Variants in METTL9 observed in about 807,000 individuals in gnomAD.
METTL9 encodes the protein protein-L-histidine N-pros-methyltransferase.
In METTL9, 10 loss-of-function variants were observed where a neutral mutation model predicts 36.0. The ratio of observed to expected loss-of-function variants is 0.28; its 90% confidence interval spans 0.17 to 0.47. METTL9 has a LOEUF of 0.47. METTL9 is among the 20% of genes least tolerant of loss of function. The pLI is 0.99. For synonymous variants in METTL9, 175 were observed against 149.7 expected (o/e 1.17, Z -1.23); for missense variants, 246 against 383.5 (o/e 0.64, Z 3.00).
At chr16:21,604,280 C>G (rs1041713094) in intron 1 of METTL9, among the ~76,000 whole-genome samples, 7 of 152,186 alleles carry the variant, frequency 4.6e-5, no homozygotes, top group African/African-American at 1.4e-4. Flanking sequence ...TCACAGAACA[C>G]TAGAATCTCT....
At chr16:21,645,936 C>T (rs887401391) in intron 4 of METTL9, among the ~76,000 whole-genome samples, 6 of 152,120 alleles carry the variant, frequency 3.9e-5, no homozygotes, top group African/African-American at 9.7e-5. Context: ...CCATTAGAAC[C>T]CTCGTAGTTT....
chr16:21,648,190 G>T (rs1261461605), intron 4 of METTL9, among the ~76,000 whole-genome samples: 1 of 152,172 alleles, frequency 6.6e-6, no homozygotes, highest in East Asian at 1.9e-4. Context: ...CCTGGCGTGT[G>T]TGCTGCTTTG....
At chr16:21,620,151 T>C (rs1453288956) in intron 3 of METTL9, among the ~76,000 whole-genome samples, 1 of 152,168 alleles carries the variant, frequency 6.6e-6, no homozygotes, top group Admixed American at 6.6e-5. Context: ...AGATCGACCT[T>C]CCTAGCTTGA....
rs778533773 is a variant in METTL9 at position 21,655,429 on chromosome 16, A to G, written c.954A>G (p.Val318=). Residue 318 remains valine (V), a synonymous_variant, in exon 5 of 5, where the codon GTA becomes GTG. Coordinates refer to ENST00000358154, the MANE Select transcript of METTL9 (RefSeq NM_016025.5). ...LDDAVFVLKP[V] ...ACGCTGTCTTTGTTCTCAAACCAGT[A>G]TAAACACGTGGAGGTCGAAGTCTTC... is the stretch of plus-strand genomic sequence containing the variant. 6.2e-7 allele frequency: 1 copy of G among 1,613,494 alleles called. No homozygotes were observed.
rs533804839 is a variant in METTL9, at chr16:21,609,562, T to C, written c.166-3083T>C. Among the ~76,000 whole-genome samples, 11 of 152,188 alleles carry C rather than the reference T, an allele frequency of 7.2e-5. No individual in the cohort carries two copies. In the South Asian group the frequency reaches 2.3e-3, roughly 32 times the overall value. On this transcript the variant is annotated intron_variant, in intron 1 of 4. Transcript: ENST00000358154. ...TACCTAGGAAATATTTAGGCTGAAG[T>C]TGAACGAACCAGGTGAAGAGAGAGT...
At chr16:21,652,629 G>A in intron 4 of METTL9, 2 of 1,567,920 alleles carry the variant, frequency 1.3e-6, no homozygotes, top group Non-Finnish European at 1.7e-6. Context: ...GTTGGGGTGT[G>A]TATTTGAAAG....
chr16:21,599,652 G>T lies in METTL9; in HGVS notation c.-82G>T. On this transcript the variant is annotated 5_prime_UTR_variant, in exon 1 of 5. Coordinates refer to ENST00000358154, the MANE Select transcript of METTL9 (RefSeq NM_016025.5). This position sits in a 1 kb window ranked among gnomAD's most constrained non-coding sequence, Gnocchi z 4.4. ...CGCGATGGCTCGAGCTCGGGCGGTG[G>T]CGGCGGTGGCCGGAGGCGGCGGTGC... 7.4e-7 allele frequency: 1 copy of T among 1,348,620 alleles called. No individual in the cohort carries two copies. The highest frequency in any genetic ancestry group is 9.4e-7 in the Non-Finnish European group (1 of 1,059,658). 83.5% of individuals were successfully genotyped at this position (1,348,620 alleles called of 1,614,324 possible).
At chr16:21,605,116 C>T (rs1965238024) in intron 1 of METTL9, among the ~76,000 whole-genome samples, 1 of 151,998 alleles carries the variant, frequency 6.6e-6, no homozygotes, top group Admixed American at 6.6e-5. Flanking sequence ...GAGACTTGCT[C>T]ACCAGCACAG....
chr16:21,606,398 A>G (rs1218661066), intron 1 of METTL9, among the ~76,000 whole-genome samples: 4 of 152,042 alleles, frequency 2.6e-5, no homozygotes, highest in Non-Finnish European at 4.4e-5. Flanking sequence ...AAAGGATACA[A>G]TTGGGGAACG....
In METTL9 at chr16:21,599,613, A is replaced by T; in HGVS notation, c.-121A>T. 1.5e-6 allele frequency: 2 copies of T among 1,329,260 alleles called. No individual in the cohort carries two copies. The highest frequency in any genetic ancestry group is 2.0e-5 in the South Asian group (1 of 50,938). The allele number at this position is 1,329,260 out of a possible 1,614,324, so 82.3% of individuals were successfully genotyped here. A position where few individuals can be genotyped will look rare whatever the true frequency, so the allele number is the denominator to read the frequency against. The stretch of plus-strand genomic sequence containing the variant: ...CAGCCTTTGCCCTGAAGGGGGCTGG[A>T]TGGGCAAGGCGGCCGCGATGGCTCG... On this transcript the variant is annotated 5_prime_UTR_variant, in exon 1 of 5. An upstream start codon of the reference 5' UTR is lost. Coordinates refer to ENST00000358154, the MANE Select transcript of METTL9 (RefSeq NM_016025.5). The surrounding 1 kb of genome is among the most constrained non-coding windows in gnomAD (Gnocchi z 4.4).
intron 4 of METTL9, among the ~76,000 whole-genome samples, chr16:21,631,617 T>A (rs182663248): frequency 6.6e-6 from 1 of 152,360 alleles, no homozygotes; most frequent in African/African-American, 2.4e-5. Flanking sequence ...TCTATCGTCC[T>A]GTCCTGAAGG....
At chr16:21,597,731 A>T (rs1480775883), upstream of METTL9, among the ~76,000 whole-genome samples, 2 of 152,186 alleles carry the variant, frequency 1.3e-5, no homozygotes, top group Admixed American at 1.3e-4. Flanking sequence ...TCCTTTTGTG[A>T]CAGAGTTGCT....
chr16:21,611,007 G>A (rs1030006953), intron 1 of METTL9, among the ~76,000 whole-genome samples: 23 of 152,042 alleles, frequency 1.5e-4, no homozygotes, highest in Non-Finnish European at 1.5e-5. Flanking sequence ...TAAGTATTAA[G>A]AATTAGAAAA....
intron 1 of METTL9, among the ~76,000 whole-genome samples, chr16:21,602,690 C>G (rs1382845054): frequency 1.3e-5 from 2 of 150,432 alleles, no homozygotes; most frequent in Non-Finnish European, 3.0e-5. Context: ...TGGAGTCTCG[C>G]TTCGTCACCC....
At chr16:21,603,803 A>C (rs1597738206) in intron 1 of METTL9, among the ~76,000 whole-genome samples, 1 of 152,320 alleles carries the variant, frequency 6.6e-6, no homozygotes, top group East Asian at 1.9e-4. Flanking sequence ...GTTTTTTAAA[A>C]GCACAGATAA....
At chr16:21,653,852 A>G (rs1317654241) in intron 4 of METTL9, 1 of 152,158 alleles carries the variant, frequency 6.6e-6, no homozygotes, top group Non-Finnish European at 1.5e-5. Context: ...AGGCCAGGAA[A>G]GCGGCTCCCA....
At position 21,618,036 on chromosome 16, in the gene METTL9, T is replaced by C. The variant is rs1445136204; in HGVS notation, c.528T>C (p.Ser176=). Residue 176 remains serine, a synonymous_variant, in exon 3 of 5, where the codon TCT becomes TCC. Transcript: ENST00000358154. ...AAGAAATCTATGCCACTGAGCTTTC[T>C]GAAACTATGATATGGCAGCTTCAGA... is the stretch of plus-strand genomic sequence containing the variant. ...HFEEIYATEL[S]ETMIWQLQKK... is the part of the protein sequence containing the mutation. 1.3e-6 allele frequency: 2 copies of C among 1,594,690 alleles called. No homozygotes were observed. Among genetic ancestry groups the C allele is most frequent in the South Asian group, 2.3e-5 (2 of 86,718 alleles).
intron 3 of METTL9, among the ~76,000 whole-genome samples, chr16:21,619,448 GA>G (rs1965638208): frequency 2.0e-5 from 3 of 149,784 alleles, no homozygotes; most frequent in Non-Finnish European, 4.4e-5. Context: ...TTCTGGAGAT[GA>G]AGTTTCACTT....
At chr16:21,644,375 TC>T in intron 4 of METTL9, 1 of 1,613,328 alleles carries the variant, frequency 6.2e-7, no homozygotes, top group Non-Finnish European at 8.5e-7. Context: ...GCTCCGCAGT[TC>T]CTTGCTGAGC....
Sources: gnomAD v4.1 joint callset for allele counts (sites outside exome capture counted in the v4.1 genomes callset) on GRCh38, gnomAD v4.1.1 for gene constraint, Gnocchi (gnomAD v3.1) non-coding constraint, MANE v1.5 for transcripts, NCBI Gene and HGNC (gene_info 2026-07-23, HGNC 2026-07-21) for gene names.